The following IMMP1L variants were observed in gnomAD, a reference collection of about 807,000 sequenced individuals.
IMMP1L encodes inner mitochondrial membrane peptidase subunit 1, also known as mitochondrial inner membrane protease subunit 1.
Under a neutral mutation model 21.8 loss-of-function variants are expected in IMMP1L, and 24 were observed. The ratio of observed to expected loss-of-function variants is 1.10; its 90% CI spans 0.80 to 1.55. The LOEUF is 1.55. IMMP1L is among the 40% of genes most tolerant of loss of function. The pLI is 0.00. For missense variants in IMMP1L, 195 were observed against 200.7 expected, an observed-to-expected ratio of 0.97 and a Z score of 0.17; for synonymous variants, 46 against 62.8, an observed-to-expected ratio of 0.73 and a Z score of 1.26.
intron 1 of IMMP1L, among the ~76,000 whole-genome samples, chr11:31,473,565 T>C (rs1399791993): frequency 2.0e-5 from 3 of 152,148 alleles, no homozygotes; most frequent in Middle Eastern, 3.2e-3. Context: ...ATAGGAAAGA[T>C]AGAGGTAGGA....
intron 1 of IMMP1L, among the ~76,000 whole-genome samples, chr11:31,479,161 G>A (rs146066976): frequency 8.6e-5 from 13 of 151,964 alleles, no homozygotes; most frequent in Admixed American, 2.6e-4. Flanking sequence ...TAAGATTTGC[G>A]ATGGAATTCT....
intron 1 of IMMP1L, among the ~76,000 whole-genome samples, chr11:31,468,429 T>C (rs1280631627): frequency 6.6e-6 from 1 of 152,136 alleles, no homozygotes; most frequent in Admixed American, 6.5e-5. Context: ...ATATTACATA[T>C]GGAGGAAGAT....
At chr11:31,491,678 G>A (rs1955261097) in intron 1 of IMMP1L, among the ~76,000 whole-genome samples, 1 of 152,212 alleles carries the variant, frequency 6.6e-6, no homozygotes, top group Non-Finnish European at 1.5e-5. Context: ...AATTGTAAAA[G>A]ATGCTAAAAC....
intron 1 of IMMP1L, among the ~76,000 whole-genome samples, chr11:31,496,156 G>T (rs865935029): frequency 2.0e-5 from 3 of 147,248 alleles, no homozygotes; most frequent in Non-Finnish European, 4.5e-5. Context: ...ATTCAAAACC[G>T]GCAAAGGTTT....
At chr11:31,502,436 A>G (rs1031621929) in intron 1 of IMMP1L, among the ~76,000 whole-genome samples, 2 of 152,248 alleles carry the variant, frequency 1.3e-5, no homozygotes, top group Non-Finnish European at 2.9e-5. Context: ...AAGAAACAGT[A>G]GTCAAAATAA....
At chr11:31,499,598 C>T (rs946029752) in intron 1 of IMMP1L, among the ~76,000 whole-genome samples, 4 of 152,146 alleles carry the variant, frequency 2.6e-5, no homozygotes, top group African/African-American at 9.7e-5. Flanking sequence ...CCCAGCCCAT[C>T]ACATGCTTTT....
At chr11:31,448,514 A>G (rs1953617593) in intron 4 of IMMP1L, among the ~76,000 whole-genome samples, 1 of 152,186 alleles carries the variant, frequency 6.6e-6, no homozygotes, top group South Asian at 2.1e-4. Flanking sequence ...TAACTTGCAG[A>G]TAAAAATACA....
chr11:31,504,584 G>T (rs1338353858), intron 1 of IMMP1L, among the ~76,000 whole-genome samples: 2 of 152,138 alleles, frequency 1.3e-5, no homozygotes, highest in African/African-American at 4.8e-5. Context: ...AATACTACTG[G>T]TAAGAGTATA....
intron 4 of IMMP1L, among the ~76,000 whole-genome samples, chr11:31,454,824 G>A (rs78823886): frequency 9.0e-4 from 137 of 152,228 alleles, no homozygotes; most frequent in African/African-American, 3.2e-3. Flanking sequence ...TAAATACATA[G>A]AGGATGCTAT....
intron 1 of IMMP1L, among the ~76,000 whole-genome samples, chr11:31,472,558 C>CA (rs1954591956): frequency 6.6e-6 from 1 of 151,966 alleles, no homozygotes; most frequent in Non-Finnish European, 1.5e-5. Context: ...GCTTGGGCAC[C>CA]AAAAAATTCA....
intron 1 of IMMP1L, among the ~76,000 whole-genome samples, chr11:31,506,781 G>A (rs575504122): frequency 2.0e-5 from 3 of 151,340 alleles, no homozygotes; most frequent in African/African-American, 7.3e-5. Flanking sequence ...CCAACATGGT[G>A]AAAGCCTGTC....
intron 4 of IMMP1L, among the ~76,000 whole-genome samples, chr11:31,439,072 C>G (rs1339980949): frequency 6.6e-6 from 1 of 152,116 alleles, no homozygotes; most frequent in Non-Finnish European, 1.5e-5. Flanking sequence ...TATTTTTTCT[C>G]TGGTTAAGAT....
intron 4 of IMMP1L, 77 bp from the exon 5 acceptor site, chr11:31,433,647 A>G: frequency 1.2e-6 from 1 of 806,420 alleles, no homozygotes; most frequent in Non-Finnish European, 2.0e-6. Flanking sequence ...CATGTCATTC[A>G]GAGGTAGGGA....
At chr11:31,441,310 T>A (rs559931916) in intron 4 of IMMP1L, among the ~76,000 whole-genome samples, 2 of 150,314 alleles carry the variant, frequency 1.3e-5, no homozygotes, top group East Asian at 1.9e-4. Flanking sequence ...TTTTAAAAGG[T>A]GTTTCAGGGT....
chr11:31,478,204 G>C (rs917733764), intron 1 of IMMP1L, among the ~76,000 whole-genome samples: 2 of 152,196 alleles, frequency 1.3e-5, no homozygotes, highest in African/African-American at 4.8e-5. Flanking sequence ...GACAGCCTGT[G>C]CTCTGCAATA....
In IMMP1L at chr11:31,433,570, C is replaced by T. The variant is rs1475461249; in HGVS notation, c.322G>A (p.Val108Met). 1.9e-6 allele frequency: 3 copies of T among 1,590,106 alleles called. No individual in the cohort carries two copies. The highest frequency in any genetic ancestry group is 1.1e-5 in the South Asian group (1 of 88,702). Reference protein sequence around the residue: ...PSDFFKSHSYVPMGHVWLEGD... With the variant: ...PSDFFKSHSYMPMGHVWLEGD... The stretch of plus-strand genomic sequence containing the variant: ...TCTAACCAAACATGACCCATTGGCA[C>T]CTAGAATTAGAGAAGAAATGCAGCC... Residue 108 changes from valine to methionine, a missense_variant and splice_region_variant, in exon 5 of 6, where the codon GTG becomes ATG. Val to Met is a conservative substitution (Grantham distance 21). Coordinates refer to ENST00000532287, the MANE Select transcript of IMMP1L (RefSeq NM_001304274.2).
intron 1 of IMMP1L, among the ~76,000 whole-genome samples, chr11:31,487,057 T>C (rs1955101878): frequency 6.6e-6 from 1 of 151,710 alleles, no homozygotes; most frequent in Admixed American, 6.6e-5. Context: ...ATTATATATT[T>C]ATGTTCCTGT....
intron 4 of IMMP1L, among the ~76,000 whole-genome samples, chr11:31,439,467 CT>C (rs1316549001): frequency 6.6e-6 from 1 of 152,102 alleles, no homozygotes; most frequent in Non-Finnish European, 1.5e-5. Context: ...CCTCTAGATC[CT>C]CAAAAATAGT....
chr11:31,440,779 G>C (rs1320898986), intron 4 of IMMP1L, among the ~76,000 whole-genome samples: 1 of 152,078 alleles, frequency 6.6e-6, no homozygotes, highest in Admixed American at 6.6e-5. Flanking sequence ...GTGTGCTTTG[G>C]CATCTCCATC....
Sources: allele counts gnomAD v4.1 joint callset (sites outside exome capture counted in the v4.1 genomes callset), GRCh38; gene constraint gnomAD v4.1.1; transcripts MANE v1.5; gene names NCBI Gene and HGNC (gene_info 2026-07-23, HGNC 2026-07-21).